XKR4: variants seen among roughly 807,000 people sequenced by gnomAD.
XKR4 encodes the protein XK-related protein 4.
In XKR4, 12 loss-of-function variants were observed where a neutral mutation model predicts 53.9. The ratio of observed to expected loss-of-function variants is 0.22; its 90% CI spans 0.14 to 0.36. The LOEUF (loss-of-function observed/expected upper bound fraction) is 0.36, where lower values mean the gene tolerates loss of function less well. XKR4 is among the 10% of genes least tolerant of loss of function. XKR4 has a pLI of 1.00. For synonymous variants in XKR4, 354 were observed against 362.4 expected (o/e 0.98, Z 0.26); for missense variants, 799 against 859.5 (o/e 0.93, Z 0.88).
At chr8:55,175,813 GTAAA>G (rs1033782605) in intron 1 of XKR4, among the ~76,000 whole-genome samples, 2 of 152,154 alleles carry the variant, frequency 1.3e-5, no homozygotes, top group Admixed American at 1.3e-4. Context: ...AAAATAAATA[GTAAA>G]TAAATAAAAT....
At chr8:55,136,533 T>C (rs147062245) in intron 1 of XKR4, among the ~76,000 whole-genome samples, 220 of 152,340 alleles carry the variant, frequency 1.4e-3, no homozygotes, top group Non-Finnish European at 2.5e-3. Flanking sequence ...ATATCAACGC[T>C]CCACGAATAG....
chr8:55,276,082 A>C (rs1818759525), intron 1 of XKR4, among the ~76,000 whole-genome samples: 1 of 152,234 alleles, frequency 6.6e-6, no homozygotes, highest in Non-Finnish European at 1.5e-5. Flanking sequence ...AAATTAGTAA[A>C]AACAATTTCT....
rs111561404 is a variant in XKR4, at chr8:55,356,111, T to G, written c.807-1567T>G. On this transcript the variant is annotated intron_variant, in intron 1 of 2. Transcript: ENST00000327381. ...GCAAGCTCCAGACAACCAAATACTG[T>G]AGAGACATTGGCAAGAGAGCTGGAG... is the stretch of plus-strand genomic sequence containing the variant. 1.6e-3 allele frequency among the ~76,000 whole-genome samples: 242 copies of G among 152,264 alleles called. 1 individual carries two copies. The highest frequency in any genetic ancestry group is 5.7e-3 in the African/African-American group (235 of 41,538).
At chr8:55,158,933 T>C (rs1235134741) in intron 1 of XKR4, among the ~76,000 whole-genome samples, 1 of 152,238 alleles carries the variant, frequency 6.6e-6, no homozygotes, top group Non-Finnish European at 1.5e-5. Flanking sequence ...AGCTTTGTTC[T>C]TTCTGCTTAG....
At chr8:55,465,729 C>T (rs1412751245) in intron 2 of XKR4, among the ~76,000 whole-genome samples, 2 of 151,956 alleles carry the variant, frequency 1.3e-5, no homozygotes, top group Non-Finnish European at 2.9e-5. Flanking sequence ...ATTTTTGCAA[C>T]CTACTCATCT....
At chr8:55,323,503 C>T (rs1249914400) in intron 1 of XKR4, among the ~76,000 whole-genome samples, 1 of 152,120 alleles carries the variant, frequency 6.6e-6, no homozygotes, top group African/African-American at 2.4e-5. Context: ...GAGATTTAGC[C>T]ATGTTATTGT....
chr8:55,512,419 ACACACCCAGGCCAGCCTCAGC>A (rs1806641330), intron 2 of XKR4, among the ~76,000 whole-genome samples: 1 of 152,120 alleles, frequency 6.6e-6, no homozygotes, highest in African/African-American at 2.4e-5. Flanking sequence ...CCTGCCTCAG[ACACACCCAGGCCAGCCTCAGC>A]CACACCTGCA....
intron 2 of XKR4, among the ~76,000 whole-genome samples, chr8:55,460,818 A>C (rs777687280): frequency 7.9e-5 from 12 of 152,226 alleles, no homozygotes; most frequent in Non-Finnish European, 1.6e-4. Flanking sequence ...ATCAAACGGC[A>C]CACCAGGAAA....
intron 2 of XKR4, among the ~76,000 whole-genome samples, chr8:55,374,636 A>G (rs772839825): frequency 1.3e-5 from 2 of 152,214 alleles, no homozygotes; most frequent in Non-Finnish European, 2.9e-5. Flanking sequence ...ACAGTCCTGC[A>G]ACAGGAAGAG....
At chr8:55,238,505 C>A (rs1423495422) in intron 1 of XKR4, among the ~76,000 whole-genome samples, 1 of 152,162 alleles carries the variant, frequency 6.6e-6, no homozygotes, top group East Asian at 1.9e-4. Flanking sequence ...GTTCAAGGGT[C>A]ACCTATATAT....
At chr8:55,143,090 G>A (rs552743526) in intron 1 of XKR4, among the ~76,000 whole-genome samples, 27 of 152,218 alleles carry the variant, frequency 1.8e-4, no homozygotes, top group Admixed American at 1.1e-3. Context: ...CCTGTTGTAC[G>A]TTGTTATGGT....
intron 1 of XKR4, among the ~76,000 whole-genome samples, chr8:55,306,626 C>G (rs1372092915): frequency 6.6e-6 from 1 of 152,192 alleles, no homozygotes; most frequent in Non-Finnish European, 1.5e-5. Context: ...GAGATTTACT[C>G]ACTATCATGA....
intron 2 of XKR4, among the ~76,000 whole-genome samples, chr8:55,433,335 G>T (rs1001998058): frequency 6.6e-6 from 1 of 152,170 alleles, no homozygotes; most frequent in Non-Finnish European, 1.5e-5. Context: ...TACAGAAGTC[G>T]CTAAATGATG....
At chr8:55,423,940 A>G (rs967033662) in intron 2 of XKR4, among the ~76,000 whole-genome samples, 1 of 152,220 alleles carries the variant, frequency 6.6e-6, no homozygotes, top group Non-Finnish European at 1.5e-5. Flanking sequence ...TTGAAAGACA[A>G]GAGGTGTTAG....
chr8:55,144,781 C>A (rs1816748907), intron 1 of XKR4, among the ~76,000 whole-genome samples: 1 of 113,122 alleles, frequency 8.8e-6, no homozygotes, highest in Admixed American at 9.6e-5. Context: ...AGCTAGGCCA[C>A]CCTCCCTATT....
At chr8:55,463,532 G>A (rs149119594) in intron 2 of XKR4, among the ~76,000 whole-genome samples, 7 of 151,250 alleles carry the variant, frequency 4.6e-5, no homozygotes, top group African/African-American at 1.7e-4. Context: ...AGGAAAGATC[G>A]AAAATTGACA....
chr8:55,168,176 C>T (rs1264698533), intron 1 of XKR4, among the ~76,000 whole-genome samples: 2 of 152,186 alleles, frequency 1.3e-5, no homozygotes, highest in Non-Finnish European at 2.9e-5. Context: ...CATTCACTCT[C>T]TGAATCTGGA....
chr8:55,221,822 G>A (rs930175701), intron 1 of XKR4, among the ~76,000 whole-genome samples: 2 of 152,134 alleles, frequency 1.3e-5, no homozygotes, highest in African/African-American at 4.8e-5. Context: ...TGGGATTTGG[G>A]TGACACCAAT....
chr8:55,298,277 T>C (rs998383580), intron 1 of XKR4, among the ~76,000 whole-genome samples: 13 of 152,124 alleles, frequency 8.5e-5, no homozygotes, highest in African/African-American at 2.9e-4. Flanking sequence ...AACACACAGA[T>C]CACCTATAAC....
Sources: gnomAD v4.1 joint callset for allele counts (sites outside exome capture counted in the v4.1 genomes callset) on GRCh38, gnomAD v4.1.1 for gene constraint, MANE v1.5 for transcripts, NCBI Gene and HGNC (gene_info 2026-07-23, HGNC 2026-07-21) for gene names.